Variants in DLGAP2 observed in about 807,000 individuals in gnomAD.
DLGAP2 encodes DLG associated protein 2, also known as disks large-associated protein 2.
DLGAP2 carries 26 observed loss-of-function variants against 100.3 expected under a neutral mutation model. The ratio of observed to expected loss-of-function variants is 0.26; its 90% CI spans 0.19 to 0.36. The LOEUF (loss-of-function observed/expected upper bound fraction) is 0.36. DLGAP2 is among the 10% of genes least tolerant of loss of function. The pLI is 1.00. For synonymous variants in DLGAP2, 886 were observed against 630.1 expected (o/e 1.41, Z -6.08); for missense variants, 1,858 against 1,453.2 (o/e 1.28, Z -4.53).
intron 2 of DLGAP2, among the ~76,000 whole-genome samples, chr8:1,167,241 C>T (rs1264010425): frequency 1.3e-5 from 2 of 152,012 alleles, no homozygotes; most frequent in Non-Finnish European, 2.9e-5. Context: ...GCAAAGGCCC[C>T]CAAAGGTCTG....
intron 3 of DLGAP2, among the ~76,000 whole-genome samples, chr8:1,439,195 C>T (rs1254812788): frequency 6.6e-6 from 1 of 152,170 alleles, no homozygotes; most frequent in Admixed American, 6.5e-5. Context: ...ATAGTCCGCC[C>T]AGCCCCTCCC....
chr8:1,573,702 G>A (rs1802847140), intron 6 of DLGAP2, among the ~76,000 whole-genome samples: 1 of 152,140 alleles, frequency 6.6e-6, no homozygotes, highest in Non-Finnish European at 1.5e-5. Context: ...GGCAAGCAAG[G>A]GCCTGCCAAG....
At chr8:915,547 TA>T (rs11298869) in intron 2 of DLGAP2, among the ~76,000 whole-genome samples, 58,047 of 142,280 alleles carry the variant, frequency 0.41, 11,690 homozygotes, top group Admixed American at 0.55. Context: ...ACTCCATCTC[TA>T]AAAAAAAAAA....
chr8:1,497,384 G>A (rs868673589), intron 3 of DLGAP2, among the ~76,000 whole-genome samples: 3 of 152,180 alleles, frequency 2.0e-5, no homozygotes, highest in Non-Finnish European at 2.9e-5. Flanking sequence ...GGAAGCTTAC[G>A]GTCACGTGAT....
chr8:1,467,583 C>T (rs989462968), intron 3 of DLGAP2, among the ~76,000 whole-genome samples: 1 of 152,088 alleles, frequency 6.6e-6, no homozygotes, highest in Non-Finnish European at 1.5e-5. Flanking sequence ...ATTTGGTGTG[C>T]ACAGAGGGAG....
At chr8:913,393 G>T (rs1798528119) in intron 2 of DLGAP2, among the ~76,000 whole-genome samples, 1 of 152,208 alleles carries the variant, frequency 6.6e-6, no homozygotes, top group African/African-American at 2.4e-5. Context: ...GGCCAAGTTT[G>T]CATTCTCTCC....
rs58738870 is a variant in DLGAP2, at chr8:1,531,241, C to CGTGTGTGTGTGT, written c.173-17364_173-17353dup. Among the ~76,000 whole-genome samples, 397 of 143,322 alleles carry CGTGTGTGTGTGT rather than the reference C, an allele frequency of 2.8e-3. 4 individuals are homozygous for CGTGTGTGTGTGT. The highest frequency in any genetic ancestry group is 0.014 in the East Asian group (70 of 5,022). The allele number at this position is 143,322 out of a possible 152,430, so 94.0% of individuals were successfully genotyped here. A position where few individuals can be genotyped will look rare whatever the true frequency, so the allele number is the denominator to read the frequency against. Reference sequence around the variant, plus strand: ...GTAAGATATTATTAGAGAGCGTGTGCGTGTGTGTGTGTGTGTGTGTGTGTG... The same window carrying CGTGTGTGTGTGT: ...GTAAGATATTATTAGAGAGCGTGTGCGTGTGTGTGTGTGTGTGTGTGTGTGTGTGTGTGTGTG... On this transcript the variant is annotated intron_variant, in intron 4 of 14. Coordinates refer to ENST00000637795, the MANE Select transcript of DLGAP2 (RefSeq NM_001346810.2).
intron 4 of DLGAP2, among the ~76,000 whole-genome samples, chr8:1,544,007 A>T (rs139075657): frequency 6.6e-6 from 1 of 152,080 alleles, no homozygotes; most frequent in African/African-American, 2.4e-5. Context: ...GACTCAAGCA[A>T]TCCTCCCACA....
At chr8:1,019,790 G>A (rs1324772397) in intron 2 of DLGAP2, 1 of 152,176 alleles carries the variant, frequency 6.6e-6, no homozygotes, top group Non-Finnish European at 1.5e-5. Context: ...ATGTCAGACT[G>A]GGGGATTCAG....
chr8:1,562,428 A>T (rs1303306202), intron 5 of DLGAP2, among the ~76,000 whole-genome samples: 17 of 14,634 alleles, frequency 1.2e-3, no homozygotes, highest in South Asian at 4.0e-3. Context: ...GACTGTGTGG[A>T]GTTCGGGTGT....
chr8:1,633,480 C>G (rs748159581), intron 8 of DLGAP2, among the ~76,000 whole-genome samples: 60 of 152,258 alleles, frequency 3.9e-4, no homozygotes, highest in South Asian at 8.3e-4. Flanking sequence ...ACATGACTCA[C>G]CGCCGCTAAG....
intron 8 of DLGAP2, among the ~76,000 whole-genome samples, chr8:1,635,734 T>A (rs968872086): frequency 6.6e-6 from 1 of 152,270 alleles, no homozygotes; most frequent in Non-Finnish European, 1.5e-5. Context: ...TAACTACAAA[T>A]GTATAATATT....
At chr8:833,662 C>T (rs1796821493) in intron 1 of DLGAP2, among the ~76,000 whole-genome samples, 1 of 152,216 alleles carries the variant, frequency 6.6e-6, no homozygotes, top group Admixed American at 6.5e-5. Flanking sequence ...GTCCCTCTGC[C>T]ACGTGAGGTC....
At chr8:1,328,276 G>A (rs946466040) in intron 3 of DLGAP2, among the ~76,000 whole-genome samples, 11 of 148,958 alleles carry the variant, frequency 7.4e-5, no homozygotes, top group Admixed American at 4.7e-4. Context: ...TCCTGACCTC[G>A]TGATCCACCC....
intron 8 of DLGAP2, among the ~76,000 whole-genome samples, chr8:1,658,675 G>T (rs1798339640): frequency 6.6e-6 from 1 of 152,086 alleles, no homozygotes; most frequent in Admixed American, 6.5e-5. Context: ...TATTTCTGTG[G>T]GATCAGTGGT....
chr8:911,676 A>G (rs534384477), intron 2 of DLGAP2, among the ~76,000 whole-genome samples: 1 of 151,406 alleles, frequency 6.6e-6, no homozygotes, highest in East Asian at 2.0e-4. Context: ...GGATGCGTAT[A>G]TAATGTATGT....
chr8:1,316,876 C>T lies in DLGAP2; in HGVS notation c.106+57993C>T, dbSNP rs1351829159. Among the ~76,000 whole-genome samples the T allele has an allele frequency of 4.6e-3, 619 of 134,138 alleles. 6 individuals are homozygous for T. Among genetic ancestry groups the T allele is most frequent in the African/African-American group, 0.017 (565 of 33,388 alleles). The allele number at this position is 134,138 out of a possible 152,430, so 88.0% of individuals were successfully genotyped here. On this transcript the variant is annotated intron_variant, in intron 3 of 14. Coordinates refer to ENST00000637795, the MANE Select transcript of DLGAP2 (RefSeq NM_001346810.2). The stretch of plus-strand genomic sequence containing the variant: ...CACAGTGGTCTACACTCGAGAAACT[C>T]GGCAGCTTTTAAAAATAGAGCGTGT...
chr8:1,350,711 TGC>T (rs1801698322), intron 3 of DLGAP2, among the ~76,000 whole-genome samples: 1 of 63,138 alleles, frequency 1.6e-5, no homozygotes, highest in Non-Finnish European at 3.4e-5. Flanking sequence ...GTCCTGAGTG[TGC>T]GTGGAAAGGC....
intron 2 of DLGAP2, among the ~76,000 whole-genome samples, chr8:1,106,705 A>G (rs1288726928): frequency 2.0e-5 from 3 of 150,790 alleles, no homozygotes; most frequent in Non-Finnish European, 4.4e-5. Flanking sequence ...AGGCCATTCT[A>G]GGAGGGTTTT....
Sources: gnomAD v4.1 joint callset for allele counts (sites outside exome capture counted in the v4.1 genomes callset) on GRCh38, gnomAD v4.1.1 for gene constraint, MANE v1.5 for transcripts, NCBI Gene and HGNC (gene_info 2026-07-23, HGNC 2026-07-21) for gene names.